The following GRM7 variants were observed in gnomAD, a reference collection of about 807,000 sequenced individuals.
The protein encoded by GRM7 is glutamate metabotropic receptor 7.
A neutral mutation model predicts 84.5 loss-of-function variants in GRM7; 35 were observed. That is an observed-to-expected ratio of 0.41 (90% confidence interval 0.32 to 0.55). The LOEUF is 0.55. Ranked by LOEUF, GRM7 falls within the 20% of genes least tolerant of loss-of-function variation. The pLI, the probability that GRM7 is intolerant of heterozygous loss-of-function variation, is 0.19. For synonymous variants in GRM7, 487 were observed against 455.1 expected, an observed-to-expected ratio of 1.07 and a Z score of -0.89; for missense variants, 1,003 against 1,194.6, an observed-to-expected ratio of 0.84 and a Z score of 2.36.
intron 8 of GRM7, among the ~76,000 whole-genome samples, chr3:7,621,866 G>T (rs1697374588): frequency 6.6e-6 from 1 of 152,090 alleles, no homozygotes; most frequent in African/African-American, 2.4e-5. Context: ...TTGAAAGCCT[G>T]GTGAGCTTTA....
At chr3:7,157,218 CA>C (rs1454121396) in intron 2 of GRM7, among the ~76,000 whole-genome samples, 2 of 152,098 alleles carry the variant, frequency 1.3e-5, no homozygotes, top group Non-Finnish European at 2.9e-5. Context: ...ATCATGTGGT[CA>C]TCCATTGGCT....
At chr3:7,497,693 A>C (rs973049186) in intron 7 of GRM7, among the ~76,000 whole-genome samples, 1 of 152,134 alleles carries the variant, frequency 6.6e-6, no homozygotes, top group African/African-American at 2.4e-5. Context: ...AGATAATCTC[A>C]CTCTTGGTAT....
chr3:7,468,721 C>T (rs1698565180), intron 7 of GRM7, among the ~76,000 whole-genome samples: 1 of 152,060 alleles, frequency 6.6e-6, no homozygotes, highest in Admixed American at 6.6e-5. Flanking sequence ...GGGGTGGTTT[C>T]CCACATGCTG....
chr3:7,064,517 T>TAC lies in GRM7; in HGVS notation c.520-81922_520-81921dup, dbSNP rs564968527. 5.7e-3 allele frequency among the ~76,000 whole-genome samples: 641 copies of TAC among 111,876 alleles called. 22 individuals are homozygous for TAC. Among genetic ancestry groups the TAC allele is most frequent in the African/African-American group, 0.012 (307 of 26,678 alleles). 73.4% of individuals were successfully genotyped at this position (111,876 alleles called of 152,430 possible). On this transcript the variant is annotated intron_variant, in intron 1 of 9. Coordinates refer to ENST00000357716, the MANE Select transcript of GRM7 (RefSeq NM_000844.4). Reference sequence around the variant, plus strand: ...ATATATATATACACATATATATATATACACACACACACACGCATCCATCAT... The same window carrying TAC: ...ATATATATATACACATATATATATATACACACACACACACACGCATCCATCAT...
intron 6 of GRM7, among the ~76,000 whole-genome samples, chr3:7,459,635 A>T (rs192966755): frequency 6.6e-6 from 1 of 152,246 alleles, no homozygotes; most frequent in Admixed American, 6.5e-5. Context: ...GGTGAGACTC[A>T]TTCACTACCA....
chr3:7,115,909 G>A lies in GRM7; in HGVS notation c.520-30543G>A, dbSNP rs115302580. Among the ~76,000 whole-genome samples, 1,311 of 152,092 alleles carry A rather than the reference G, an allele frequency of 8.6e-3. 11 individuals are homozygous for A. The highest frequency in any genetic ancestry group is 0.028 in the African/African-American group (1,151 of 41,506). On this transcript the variant is annotated intron_variant, in intron 1 of 9. Transcript: ENST00000357716. The stretch of plus-strand genomic sequence containing the variant: ...CAACAACCTGGCAGTACTGCATTTG[G>A]GTACAAAACAAGGATCAGAAAATTA...
chr3:7,080,083 A>G (rs914514710), intron 1 of GRM7, among the ~76,000 whole-genome samples: 1 of 152,020 alleles, frequency 6.6e-6, no homozygotes, highest in Non-Finnish European at 1.5e-5. Context: ...ATGCTTCCCC[A>G]TTAGCATCTT....
At chr3:7,095,969 T>C (rs1559436406) in intron 1 of GRM7, among the ~76,000 whole-genome samples, 1 of 152,186 alleles carries the variant, frequency 6.6e-6, no homozygotes. Flanking sequence ...ATTGTGTGTA[T>C]AGATACACAT....
intron 9 of GRM7, among the ~76,000 whole-genome samples, chr3:7,723,792 A>G (rs1282662653): frequency 1.3e-5 from 2 of 152,148 alleles, no homozygotes; most frequent in Non-Finnish European, 2.9e-5. Flanking sequence ...GGTTGCAGTG[A>G]GCTATAATTG....
chr3:7,132,623 T>C lies in GRM7; in HGVS notation c.520-13829T>C, dbSNP rs986752815. Among the ~76,000 whole-genome samples, 5 of 152,212 alleles carry C rather than the reference T, an allele frequency of 3.3e-5. No homozygotes were observed. The South Asian group carries it at 1.0e-3, about 31-fold the overall frequency. On this transcript the variant is annotated intron_variant, in intron 1 of 9. Transcript: ENST00000357716. Reference sequence around the variant, plus strand: ...GAAAGAAAGCATAGCTTACCTCCTTTTATAAGAATAAAAGAACTAAATAAA... The same window carrying C: ...GAAAGAAAGCATAGCTTACCTCCTTCTATAAGAATAAAAGAACTAAATAAA...
intron 7 of GRM7, among the ~76,000 whole-genome samples, chr3:7,566,415 A>T (rs951541960): frequency 6.6e-6 from 1 of 152,202 alleles, no homozygotes; most frequent in African/African-American, 2.4e-5. Context: ...TGAGAGATTC[A>T]TATGAATTAT....
chr3:7,484,810 G>A (rs1001550287), intron 7 of GRM7, among the ~76,000 whole-genome samples: 1 of 152,140 alleles, frequency 6.6e-6, no homozygotes, highest in African/African-American at 2.4e-5. Context: ...TTCTTTTTGT[G>A]TGTCTGCCAA....
At chr3:7,083,001 G>T (rs1358724034) in intron 1 of GRM7, among the ~76,000 whole-genome samples, 3 of 152,178 alleles carry the variant, frequency 2.0e-5, no homozygotes, top group Non-Finnish European at 4.4e-5. Flanking sequence ...TACGAACATT[G>T]TTGAAATGAC....
At chr3:7,598,217 G>A (rs1696143602) in intron 8 of GRM7, among the ~76,000 whole-genome samples, 2 of 152,178 alleles carry the variant, frequency 1.3e-5, no homozygotes, top group South Asian at 2.1e-4. Flanking sequence ...CCCAGTGGTG[G>A]GTAACAAAGT....
intron 4 of GRM7, among the ~76,000 whole-genome samples, chr3:7,377,897 CA>C (rs1035713912): frequency 6.6e-6 from 1 of 152,210 alleles, no homozygotes; most frequent in Non-Finnish European, 1.5e-5. Flanking sequence ...AAAGCCTTTG[CA>C]AAAAGATCCC....
intron 5 of GRM7, among the ~76,000 whole-genome samples, chr3:7,427,602 A>T (rs1263214045): frequency 6.6e-6 from 1 of 152,178 alleles, no homozygotes. Flanking sequence ...AAAGTACAGT[A>T]AGCAATATTT....
At chr3:7,602,436 G>C (rs960536849) in intron 8 of GRM7, among the ~76,000 whole-genome samples, 2 of 152,086 alleles carry the variant, frequency 1.3e-5, no homozygotes, top group South Asian at 4.2e-4. Flanking sequence ...ATCATCTACT[G>C]AGATGAAAGA....
At chr3:6,949,778 C>T (rs1277745839) in intron 1 of GRM7, among the ~76,000 whole-genome samples, 1 of 152,124 alleles carries the variant, frequency 6.6e-6, no homozygotes, top group Admixed American at 6.5e-5. Flanking sequence ...TTTCTCTAAA[C>T]TTCTTTTCAC....
intron 8 of GRM7, among the ~76,000 whole-genome samples, chr3:7,658,536 C>A (rs1463555153): frequency 1.3e-5 from 2 of 152,116 alleles, no homozygotes; most frequent in Admixed American, 6.6e-5. Context: ...CAAGCATGTA[C>A]AAAATCCAGT....
Sources: allele counts gnomAD v4.1 joint callset (sites outside exome capture counted in the v4.1 genomes callset), GRCh38; gene constraint gnomAD v4.1.1; transcripts MANE v1.5; gene names NCBI Gene and HGNC (gene_info 2026-07-23, HGNC 2026-07-21).